The following WDR36 variants were observed in gnomAD, a reference collection of about 807,000 sequenced individuals.
The protein encoded by WDR36 is WD repeat domain 36, also known as WD repeat-containing protein 36.
A neutral mutation model predicts 112.7 loss-of-function variants in WDR36; 63 were observed. The observed-to-expected ratio is 0.56, with a 90% CI of 0.46 to 0.69. The LOEUF is 0.69. Among genes scored for constraint, WDR36 ranks in the 30% least tolerant of loss-of-function variants. The pLI, the probability that WDR36 is intolerant of heterozygous loss-of-function variation, is 0.00. For synonymous variants in WDR36, 410 were observed against 362.2 expected (o/e 1.13, Z -1.50); for missense variants, 1,226 against 1,070.3 (o/e 1.15, Z -2.03).
At position 111,104,808 on chromosome 5, in the gene WDR36, C is replaced by T. The variant is rs1241628892; in HGVS notation, c.1018C>T (p.Leu340=). Reference sequence around the variant, plus strand: ...TTATGGACAGAATGGACAGCAGATTCTAAGTGCAAGTGAGCTTCTGCTTCA... The same window carrying T: ...TTATGGACAGAATGGACAGCAGATTTTAAGTGCAAGTGAGCTTCTGCTTCA... The part of the protein sequence containing the change: ...RYYGQNGQQI[L]SASQDGTLQS... The change falls in exon 9 of 23, where the codon CTA becomes TTA. Residue 340 remains leucine, a synonymous_variant. Coordinates refer to ENST00000513710, the MANE Select transcript of WDR36 (RefSeq NM_139281.3). The T allele has an allele frequency of 6.2e-7, 1 of 1,610,980 alleles. No individual in the cohort carries two copies. The highest frequency in any genetic ancestry group is 2.2e-5 in the East Asian group (1 of 44,792).
At chr5:111,112,490 A>G (rs1374299048) in intron 15 of WDR36, among the ~76,000 whole-genome samples, 2 of 151,964 alleles carry the variant, frequency 1.3e-5, no homozygotes, top group Non-Finnish European at 2.9e-5. Context: ...ACAACTGTAA[A>G]CTTTAAAGTT....
rs886059769 is a variant in WDR36, at chr5:111,127,828, A to G, written c.*945A>G. The G allele has an allele frequency of 9.5e-6, 2 of 211,482 alleles. No homozygotes were observed. Among genetic ancestry groups the G allele is most frequent in the Non-Finnish European group, 1.9e-5 (2 of 104,398 alleles). 13.1% of individuals were successfully genotyped at this position (211,482 alleles called of 1,614,324 possible). A position where few individuals can be genotyped will look rare whatever the true frequency, so the allele number is the denominator to read the frequency against. On this transcript the variant is annotated 3_prime_UTR_variant, in exon 23 of 23. Transcript: ENST00000513710. ...CTCTGAAAAGGTAAAAATTCCATAA[A>G]TCCTTGCAAACAATTTTTAGCAATA...
At chr5:111,117,859 T>G (rs955742301) in intron 16 of WDR36, among the ~76,000 whole-genome samples, 3 of 152,202 alleles carry the variant, frequency 2.0e-5, no homozygotes, top group Admixed American at 6.5e-5. Flanking sequence ...CTTAAAGCTA[T>G]TCTCGCTTTT....
chr5:111,123,403 CTT>C (rs1177309835), intron 19 of WDR36, among the ~76,000 whole-genome samples: 1 of 152,080 alleles, frequency 6.6e-6, no homozygotes, highest in Non-Finnish European at 1.5e-5. Context: ...TTAAGAAACT[CTT>C]TTGTATTAAG....
intron 16 of WDR36, among the ~76,000 whole-genome samples, chr5:111,117,967 C>G (rs1038741527): frequency 1.2e-4 from 18 of 152,092 alleles, no homozygotes; most frequent in African/African-American, 4.3e-4. Context: ...TACCACCATC[C>G]TAGTTATCTT....
At position 111,127,003 on chromosome 5, in the gene WDR36, A is replaced by G. The variant is rs79289431; in HGVS notation, c.*120A>G. ...ATGCTAGCACTACTGACTAGTCAGT[A>G]TATCTCCACTTTAAATGCTAAATAC... On this transcript the variant is annotated 3_prime_UTR_variant, in exon 23 of 23. Transcript: ENST00000513710. 3.7e-3 allele frequency: 3,501 copies of G among 950,088 alleles called. 81 individuals are homozygous for G. The African/African-American group carries it at 0.052, about 14-fold the overall frequency. 58.9% of individuals were successfully genotyped at this position (950,088 alleles called of 1,614,324 possible).
intron 2 of WDR36, among the ~76,000 whole-genome samples, chr5:111,095,451 C>G (rs1415888378): frequency 2.6e-5 from 4 of 152,134 alleles, no homozygotes; most frequent in African/African-American, 9.7e-5. Flanking sequence ...TATCTTAGTA[C>G]TCTTCAAAGT....
intron 6 of WDR36, among the ~76,000 whole-genome samples, chr5:111,102,621 T>C (rs1039906417): frequency 6.6e-6 from 1 of 151,794 alleles, no homozygotes; most frequent in Non-Finnish European, 1.5e-5. Context: ...GCTTATAGTT[T>C]GACTTAAATC....
In WDR36 at chr5:111,118,918, C is replaced by G. The variant is rs367693837; in HGVS notation, c.1797-95C>G. The G allele has an allele frequency of 2.4e-5, 23 of 959,420 alleles. 1 individual carries two copies. The highest frequency in any genetic ancestry group is 5.2e-5 in the Admixed American group (3 of 57,430). 59.4% of individuals were successfully genotyped at this position (959,420 alleles called of 1,614,324 possible). On this transcript the variant is annotated intron_variant, in intron 16 of 22. Transcript: ENST00000513710. ...AAAAAAAAGAAAACATTTTCTGCAT[C>G]TCTTATCCCTTATCTTTTTGGCAAA...
At chr5:111,107,567 AC>A in intron 12 of WDR36, 128 bp downstream of exon 12, 1 of 1,234,536 alleles carries the variant, frequency 8.1e-7, no homozygotes, top group Non-Finnish European at 1.1e-6. Context: ...GCATTGCATA[AC>A]CCAAAGCCAC....
At chr5:111,093,786 C>T (rs773423140) in intron 1 of WDR36, among the ~76,000 whole-genome samples, 23 of 152,178 alleles carry the variant, frequency 1.5e-4, no homozygotes, top group Non-Finnish European at 2.5e-4. Context: ...TATTCTACTT[C>T]CAAAGAAACC....
intron 21 of WDR36, 75 bp downstream of exon 21, chr5:111,124,264 A>G: frequency 8.0e-7 from 1 of 1,247,688 alleles, no homozygotes; most frequent in South Asian, 1.3e-5. Flanking sequence ...ATTGAAGGAA[A>G]TATCAGCGTT....
In WDR36 at chr5:111,130,269, C is replaced by T; in HGVS notation, c.*3386C>T. 1 of 199,438 alleles carries T rather than the reference C, an allele frequency of 5.0e-6. No homozygotes were observed. Among genetic ancestry groups the T allele is most frequent in the Non-Finnish European group, 1.0e-5 (1 of 96,248 alleles). 12.4% of individuals were successfully genotyped at this position (199,438 alleles called of 1,614,324 possible). A position where few individuals can be genotyped will look rare whatever the true frequency, so the allele number is the denominator to read the frequency against. On this transcript the variant is annotated 3_prime_UTR_variant, in exon 23 of 23. Transcript: ENST00000513710. ...GGACCTATGCATATGAAAAGTCGGT[C>T]CTTGTATTTGAGGGTTTTGCATCCC...
At position 111,125,649 on chromosome 5, in the gene WDR36, G is replaced by C; in HGVS notation, c.2392G>C (p.Gly798Arg). 1 of 1,613,830 alleles carries C rather than the reference G, an allele frequency of 6.2e-7. No homozygotes were observed. ...LNLLKESGPS[G>R]IETELRSLSP... ...CCTTCTGAAAGAATCAGGCCCATCAGGAATTGAAACAGAGCTGCGAAGCTT... is the reference window on the plus strand; with the variant it reads ...CCTTCTGAAAGAATCAGGCCCATCACGAATTGAAACAGAGCTGCGAAGCTT... Residue 798 changes from glycine to arginine, a missense_variant, in exon 22 of 23, where the codon GGA (glycine) becomes CGA (arginine). Coordinates refer to ENST00000513710, the MANE Select transcript of WDR36 (RefSeq NM_139281.3).
chr5:111,104,456 A>T (rs1327439160), intron 8 of WDR36, 104 bp downstream of exon 8: 2 of 1,502,500 alleles, frequency 1.3e-6, no homozygotes, highest in Non-Finnish European at 1.9e-6. Flanking sequence ...AGATGAAAGG[A>T]ATATGGAATG....
intron 2 of WDR36, among the ~76,000 whole-genome samples, chr5:111,096,181 G>A (rs1752974722): frequency 6.6e-6 from 1 of 152,170 alleles, no homozygotes; most frequent in African/African-American, 2.4e-5. Context: ...GTGTGACCAG[G>A]ATACTGAGAG....
At chr5:111,105,384 A>G (rs1373015232) in intron 10 of WDR36, 24 bp downstream of exon 10, 4 of 1,595,936 alleles carry the variant, frequency 2.5e-6, no homozygotes, top group African/African-American at 1.3e-5. Flanking sequence ...AAGACAAAAT[A>G]AGCTGGTCAC....
At position 111,130,247 on chromosome 5, in the gene WDR36, C is replaced by T. The variant is rs1025823236; in HGVS notation, c.*3364C>T. 15 of 202,434 alleles carry T rather than the reference C, an allele frequency of 7.4e-5. No homozygotes were observed. Among genetic ancestry groups the T allele is most frequent in the African/African-American group, 3.0e-4 (13 of 43,514 alleles). 12.5% of individuals were successfully genotyped at this position (202,434 alleles called of 1,614,324 possible). A position where few individuals can be genotyped will look rare whatever the true frequency, so the allele number is the denominator to read the frequency against. The stretch of plus-strand genomic sequence containing the variant: ...AAGCAATGCCCTGCAGATCATGGGA[C>T]CTATGCATATGAAAAGTCGGTCCTT... On this transcript the variant is annotated 3_prime_UTR_variant, in exon 23 of 23. Transcript: ENST00000513710.
chr5:111,118,938 G>C (rs936834781), intron 16 of WDR36, 75 bp from the exon 17 acceptor site: 1 of 1,232,644 alleles, frequency 8.1e-7, no homozygotes, highest in Non-Finnish European at 1.2e-6. Flanking sequence ...TTATCTTTTT[G>C]GCAAAAATAT....
Sources: allele counts gnomAD v4.1 joint callset (sites outside exome capture counted in the v4.1 genomes callset), GRCh38; gene constraint gnomAD v4.1.1; transcripts MANE v1.5; gene names NCBI Gene and HGNC (gene_info 2026-07-23, HGNC 2026-07-21).